The following L3MBTL4 variants were observed in gnomAD, a reference collection of about 807,000 sequenced individuals.
L3MBTL4 encodes L3MBTL histone methyl-lysine binding protein 4, also known as lethal(3)malignant brain tumor-like protein 4.
In L3MBTL4, 70 loss-of-function variants were observed where a neutral mutation model predicts 84.5. The observed-to-expected ratio is 0.83, with a 90% confidence interval of 0.68 to 1.01. The LOEUF is 1.01. Ranked by LOEUF, L3MBTL4 falls within the 50% of genes least tolerant of loss-of-function variation. The pLI is 0.00. For synonymous variants in L3MBTL4, 274 were observed against 259.8 expected (o/e 1.05, Z -0.52); for missense variants, 715 against 754.8 (o/e 0.95, Z 0.62).
chr18:6,073,403 AATT>A (rs1467787349), intron 16 of L3MBTL4, among the ~76,000 whole-genome samples: 2 of 152,190 alleles, frequency 1.3e-5, no homozygotes, highest in Non-Finnish European at 2.9e-5. Flanking sequence ...CTATTAAAGA[AATT>A]GAATCTACAA....
intron 16 of L3MBTL4, chr18:6,030,694 A>T (rs1376021473): frequency 1.0e-6 from 1 of 969,622 alleles, no homozygotes; most frequent in African/African-American, 1.8e-5. Context: ...ATTTGTTTCA[A>T]TTTTTTCTTT....
intron 10 of L3MBTL4, among the ~76,000 whole-genome samples, chr18:6,233,356 A>G (rs2047077548): frequency 6.7e-6 from 1 of 149,842 alleles, no homozygotes; most frequent in Non-Finnish European, 1.5e-5. Flanking sequence ...AGGATATTCA[A>G]TTAGGAAAAG....
intron 1 of L3MBTL4, among the ~76,000 whole-genome samples, chr18:6,317,396 T>C (rs919735815): frequency 6.6e-6 from 1 of 151,972 alleles, no homozygotes; most frequent in African/African-American, 2.4e-5. Context: ...AAGAGATACA[T>C]ATTTTAAAGA....
At chr18:6,191,450 G>T (rs1351728690) in intron 12 of L3MBTL4, among the ~76,000 whole-genome samples, 1 of 152,168 alleles carries the variant, frequency 6.6e-6, no homozygotes, top group East Asian at 1.9e-4. Flanking sequence ...CATTGCTTGA[G>T]ATGGAGGAGG....
intron 16 of L3MBTL4, among the ~76,000 whole-genome samples, chr18:6,021,729 T>C (rs889507656): frequency 3.3e-5 from 5 of 151,926 alleles, no homozygotes; most frequent in African/African-American, 9.7e-5. Flanking sequence ...AGCCATTGCA[T>C]GGCGCACCTC....
chr18:6,152,578 T>A (rs1178904194), intron 13 of L3MBTL4, among the ~76,000 whole-genome samples: 1 of 152,226 alleles, frequency 6.6e-6, no homozygotes, highest in Non-Finnish European at 1.5e-5. Context: ...CTTTGCCCAT[T>A]TTTAATTATT....
chr18:6,266,247 T>C (rs1239705611), intron 4 of L3MBTL4, among the ~76,000 whole-genome samples: 2 of 152,108 alleles, frequency 1.3e-5, no homozygotes, highest in African/African-American at 4.8e-5. Flanking sequence ...AGAAAAGCAA[T>C]TGGAAAGAAA....
intron 16 of L3MBTL4, among the ~76,000 whole-genome samples, chr18:6,035,096 G>C (rs1324197663): frequency 6.6e-6 from 1 of 151,226 alleles, no homozygotes; most frequent in African/African-American, 2.4e-5. Context: ...CATTTTGTGG[G>C]TTGCCTGTTC....
At position 6,209,364 on chromosome 18, in the gene L3MBTL4, G is replaced by A. The variant is rs191630752; in HGVS notation, c.981+3785C>T. On this transcript the variant is annotated intron_variant, in intron 12 of 18. Coordinates refer to ENST00000317931, the MANE Select transcript of L3MBTL4 (RefSeq NM_001330559.2). ...GTATTTCATCCCAATTCTCTTAGCC[G>A]GGATATTATTACTGAGCACATATAA... is the stretch of plus-strand genomic sequence containing the variant. Among the ~76,000 whole-genome samples the A allele has an allele frequency of 8.0e-4, 121 of 150,520 alleles. 1 individual carries two copies. The East Asian group carries it at 8.1e-3, about 10-fold the overall frequency.
chr18:6,070,800 T>G (rs778843945), intron 16 of L3MBTL4, among the ~76,000 whole-genome samples: 15 of 152,118 alleles, frequency 9.9e-5, no homozygotes, highest in Non-Finnish European at 1.6e-4. Context: ...ATCGCACCAC[T>G]GCACTCCAGC....
At chr18:6,041,480 T>G (rs1343150633) in intron 16 of L3MBTL4, among the ~76,000 whole-genome samples, 4 of 132,442 alleles carry the variant, frequency 3.0e-5, no homozygotes, top group Non-Finnish European at 5.1e-5. Context: ...TTTTTTTTTT[T>G]GTCTTGCAAA....
At chr18:6,238,111 C>T in intron 9 of L3MBTL4, 71 bp from the exon 10 acceptor site, 1 of 1,326,800 alleles carries the variant, frequency 7.5e-7, no homozygotes, top group East Asian at 2.3e-5. Flanking sequence ...GAGTAACAAT[C>T]ATTCTGGATA....
At chr18:6,383,300 C>G (rs1358358872) in intron 1 of L3MBTL4, among the ~76,000 whole-genome samples, 3 of 152,046 alleles carry the variant, frequency 2.0e-5, no homozygotes, top group Non-Finnish European at 4.4e-5. Context: ...GGCTTCACTC[C>G]CCTTTCCAGG....
intron 16 of L3MBTL4, among the ~76,000 whole-genome samples, chr18:5,984,022 C>A (rs541042870): frequency 6.6e-6 from 1 of 152,256 alleles, no homozygotes; most frequent in Non-Finnish European, 1.5e-5. Context: ...AGCAATTCTC[C>A]TGCCTCAGCC....
intron 16 of L3MBTL4, among the ~76,000 whole-genome samples, chr18:6,071,774 AAAG>A (rs1378767859): frequency 2.3e-4 from 25 of 108,270 alleles, no homozygotes; most frequent in Non-Finnish European, 4.4e-4. Flanking sequence ...AGAAAGAAAG[AAAG>A]AAAGAAAGAA....
chr18:5,959,068 T>C (rs931952673), intron 18 of L3MBTL4, among the ~76,000 whole-genome samples: 1 of 152,204 alleles, frequency 6.6e-6, no homozygotes, highest in African/African-American at 2.4e-5. Context: ...CTGACCTTGA[T>C]GCTGAGTTCC....
intron 16 of L3MBTL4, among the ~76,000 whole-genome samples, chr18:6,022,344 C>T (rs911509383): frequency 1.3e-5 from 2 of 152,202 alleles, no homozygotes; most frequent in African/African-American, 2.4e-5. Flanking sequence ...CCTTCACCTC[C>T]TTTTGCCCAG....
intron 15 of L3MBTL4, among the ~76,000 whole-genome samples, chr18:6,082,172 G>A (rs981352622): frequency 1.3e-5 from 2 of 152,108 alleles, no homozygotes; most frequent in Admixed American, 1.3e-4. Context: ...AGAGCAACTA[G>A]TGAAATAGTA....
intron 16 of L3MBTL4, among the ~76,000 whole-genome samples, chr18:6,008,574 C>G (rs2054592548): frequency 6.6e-6 from 1 of 152,072 alleles, no homozygotes; most frequent in South Asian, 2.1e-4. Context: ...ATGTTTCTTC[C>G]TTTTCTTACA....
Sources: gnomAD v4.1 joint callset for allele counts (sites outside exome capture counted in the v4.1 genomes callset) on GRCh38, gnomAD v4.1.1 for gene constraint, MANE v1.5 for transcripts, NCBI Gene and HGNC (gene_info 2026-07-23, HGNC 2026-07-21) for gene names.